CD276: variants seen among roughly 807,000 people sequenced by gnomAD.
The protein encoded by CD276 is CD276 molecule.
In CD276, 34 loss-of-function variants were observed where a neutral mutation model predicts 50.0. The ratio of observed to expected loss-of-function variants is 0.68; its 90% CI spans 0.52 to 0.91. The LOEUF (loss-of-function observed/expected upper bound fraction) is 0.91. Ranked by LOEUF, CD276 falls within the 40% of genes least tolerant of loss-of-function variation. The probability of loss-of-function intolerance (pLI) is 0.00; values close to 1 mark genes in which losing one functional copy is unlikely to be tolerated. For synonymous variants in CD276, 275 were observed against 313.0 expected, an observed-to-expected ratio of 0.88 and a Z score of 1.28; for missense variants, 634 against 717.5, an observed-to-expected ratio of 0.88 and a Z score of 1.33.
At chr15:73,690,350 C>T (rs556298694) in intron 1 of CD276, among the ~76,000 whole-genome samples, 2 of 152,288 alleles carry the variant, frequency 1.3e-5, no homozygotes, top group Admixed American at 1.3e-4. Flanking sequence ...AGTGGCAGAT[C>T]TCTTACCTGG....
Position 73,713,441 on chromosome 15 carries a change from C to T in CD276, c.*485C>T, listed in dbSNP as rs1186470037. 5 of 273,668 alleles carry T rather than the reference C, an allele frequency of 1.8e-5. No individual in the cohort carries two copies. Among genetic ancestry groups the T allele is most frequent in the South Asian group, 6.7e-5 (2 of 29,884 alleles). The allele number at this position is 273,668 out of a possible 1,614,324, so 17.0% of individuals were successfully genotyped here. ...TGATACACTAGTGATCATGTTCAGC[C>T]CTGCTTCCACCTGCATAGAATCTTT... is the stretch of plus-strand genomic sequence containing the variant. On this transcript the variant is annotated 3_prime_UTR_variant, in exon 10 of 10. Coordinates refer to ENST00000318443, the MANE Select transcript of CD276 (RefSeq NM_001024736.2).
rs11574476 is a variant in CD276 at position 73,702,437 on chromosome 15, G to A, written c.262G>A (p.Ala88Thr). ...TGCTGAGGGCCAGGACCAGGGCAGC[G>A]CCTATGCCAACCGCACGGCCCTCTT... Reference protein sequence around the residue: ...SFAEGQDQGSAYANRTALFPD... With the variant: ...SFAEGQDQGSTYANRTALFPD... The change falls in exon 3 of 10, where the codon GCC becomes ACC. Residue 88 changes from alanine (A) to threonine (T), a missense_variant. Transcript: ENST00000318443. 1,666 of 1,613,800 alleles carry A rather than the reference G, an allele frequency of 1.0e-3. 1 individual carries two copies. The highest frequency in any genetic ancestry group is 1.3e-3 in the Non-Finnish European group (1,558 of 1,180,014).
chr15:73,709,752 G>T, intron 8 of CD276, 63 bp downstream of exon 8: 1 of 1,536,662 alleles, frequency 6.5e-7, no homozygotes, highest in South Asian at 1.2e-5. Context: ...AAGGAGAGAG[G>T]ACTCTAGGAT....
chr15:73,686,327 G>C (rs1014037810), intron 1 of CD276: 5 of 984,100 alleles, frequency 5.1e-6, no homozygotes, highest in Non-Finnish European at 6.0e-6. Flanking sequence ...GTTAATGCAA[G>C]TCTCAGGTGA....
chr15:73,696,960 GAGGGAGGCGGCCCAGGAAGAACCCAC>G (rs1900202138), intron 1 of CD276, among the ~76,000 whole-genome samples: 1 of 152,078 alleles, frequency 6.6e-6, no homozygotes, highest in Non-Finnish European at 1.5e-5. Flanking sequence ...TGTGGAGAGT[GAGGGAGGCGGCCCAGGAAGAACCCAC>G]AGGCCTTGGT....
intron 4 of CD276, 61 bp from the exon 5 acceptor site, chr15:73,703,598 G>C: frequency 7.6e-7 from 1 of 1,319,374 alleles, no homozygotes; most frequent in East Asian, 2.4e-5. Flanking sequence ...GGGGGACTCG[G>C]GTGGTAGCCT....
chr15:73,711,019 C>T (rs906918999), intron 8 of CD276, 116 bp from the exon 9 acceptor site: 2 of 1,030,528 alleles, frequency 1.9e-6, no homozygotes, highest in African/African-American at 1.6e-5. Flanking sequence ...TGAAGTGGTC[C>T]CACTCTGCTG....
chr15:73,710,837 T>C (rs1900869311), intron 8 of CD276, among the ~76,000 whole-genome samples: 1 of 152,144 alleles, frequency 6.6e-6, no homozygotes, highest in Admixed American at 6.5e-5. Context: ...GTGTGTACAT[T>C]GGGCTCAGGG....
intron 7 of CD276, chr15:73,708,807 A>C: frequency 2.9e-6 from 1 of 347,368 alleles, no homozygotes; most frequent in African/African-American, 2.1e-5. Flanking sequence ...TGTGTGAGAG[A>C]GCAGGCCAGA....
chr15:73,699,817 T>G, intron 2 of CD276, 99 bp downstream of exon 2: 18 of 1,386,200 alleles, frequency 1.3e-5, no homozygotes, highest in Non-Finnish European at 1.5e-5. Context: ...AAGCCAGCTC[T>G]GGCTAGCAGG....
intron 1 of CD276, among the ~76,000 whole-genome samples, chr15:73,695,551 C>T (rs762988058): frequency 6.6e-6 from 1 of 152,142 alleles, no homozygotes; most frequent in Non-Finnish European, 1.5e-5. Flanking sequence ...TGAGGACAGA[C>T]GTGTACCTTA....
intron 6 of CD276, among the ~76,000 whole-genome samples, chr15:73,707,540 G>A (rs1022419372): frequency 3.9e-5 from 6 of 152,150 alleles, no homozygotes; most frequent in Admixed American, 3.3e-4. Flanking sequence ...CTCCAGCCCC[G>A]TCAGTGACCT....
intron 1 of CD276, among the ~76,000 whole-genome samples, chr15:73,685,478 T>TG (rs1346047691): frequency 6.7e-6 from 1 of 149,366 alleles, no homozygotes; most frequent in East Asian, 2.0e-4. Context: ...TGTGTGTGTG[T>TG]GTGTGTGTGT....
rs148584026 is a variant in CD276, at chr15:73,696,525, T to C, written c.-54-3061T>C. Among the ~76,000 whole-genome samples, 36 of 152,244 alleles carry C rather than the reference T, an allele frequency of 2.4e-4. No individual in the cohort carries two copies. In the East Asian group the frequency reaches 6.0e-3, roughly 25 times the overall value. ...TCAAACTGCTTCTCTCCAGGGCAGG[T>C]TTCCAGGATCCAGAGTCTAGGAAAG... On this transcript the variant is annotated intron_variant, in intron 1 of 9. Transcript: ENST00000318443.
At chr15:73,696,310 C>T (rs533503580) in intron 1 of CD276, among the ~76,000 whole-genome samples, 57 of 152,196 alleles carry the variant, frequency 3.7e-4, no homozygotes, top group Middle Eastern at 3.4e-3. Context: ...ATGAGGCCTG[C>T]GTGGCTCCAC....
chr15:73,704,196 A>C lies in CD276; in HGVS notation c.1093A>C (p.Met365Leu), dbSNP rs140663039. The C allele has an allele frequency of 1.1e-4, 185 of 1,613,314 alleles. No homozygotes were observed. The highest frequency in any genetic ancestry group is 8.2e-4 in the Middle Eastern group (5 of 6,082). The change falls in exon 6 of 10, where the codon ATG (methionine) becomes CTG (leucine). Residue 365 changes from methionine (M) to leucine (L), a missense_variant. Met to Leu is a conservative substitution (Grantham distance 15). Transcript: ENST00000318443. The surrounding 1 kb of genome is among the most constrained non-coding windows in gnomAD (Gnocchi z 4.1). ...QVAAPYSKPS[M>L]TLEPNKDLRP... Reference sequence around the variant, plus strand: ...TCCAGCTCCCTACTCGAAGCCCAGCATGACCCTGGAGCCCAACAAGGACCT... The same window carrying C: ...TCCAGCTCCCTACTCGAAGCCCAGCCTGACCCTGGAGCCCAACAAGGACCT...
At position 73,704,137 on chromosome 15, in the gene CD276, A is replaced by G. The variant is rs1488203222; in HGVS notation, c.1073-39A>G. 1 of 1,595,204 alleles carries G rather than the reference A, an allele frequency of 6.3e-7. No homozygotes were observed. Among genetic ancestry groups the G allele is most frequent in the East Asian group, 2.3e-5 (1 of 44,028 alleles). ...CCATGCATCCTTTTCCTCCCCTGCC[A>G]TTGCCCTGCCCTTGACCCCTGCCCT... is the stretch of plus-strand genomic sequence containing the variant. On this transcript the variant is annotated intron_variant, in intron 5 of 9. Transcript: ENST00000318443. This position sits in a 1 kb window ranked among gnomAD's most constrained non-coding sequence, Gnocchi z 4.1.
chr15:73,695,476 A>G (rs1302741702), intron 1 of CD276, among the ~76,000 whole-genome samples: 1 of 152,180 alleles, frequency 6.6e-6, no homozygotes, highest in Non-Finnish European at 1.5e-5. Context: ...TATCATAAAT[A>G]GTATACTATA....
chr15:73,709,746 A>G, intron 8 of CD276, 57 bp downstream of exon 8: 1 of 1,555,278 alleles, frequency 6.4e-7, no homozygotes, highest in East Asian at 2.3e-5. Flanking sequence ...ATGGGAAAGG[A>G]GAGAGGACTC....
Sources: gnomAD v4.1 joint callset for allele counts (sites outside exome capture counted in the v4.1 genomes callset) on GRCh38, gnomAD v4.1.1 for gene constraint, Gnocchi (gnomAD v3.1) non-coding constraint, MANE v1.5 for transcripts, NCBI Gene and HGNC (gene_info 2026-07-23, HGNC 2026-07-21) for gene names.